CHM: variants seen among roughly 807,000 people sequenced by gnomAD.
CHM encodes the protein rab proteins geranylgeranyltransferase component A 1.
A neutral mutation model predicts 49.0 loss-of-function variants in CHM; 10 were observed. The ratio of observed to expected loss-of-function variants is 0.20; its 90% confidence interval spans 0.13 to 0.35. The LOEUF (loss-of-function observed/expected upper bound fraction) is 0.35. Among genes scored for constraint, CHM ranks in the 10% least tolerant of loss-of-function variants. The probability of loss-of-function intolerance (pLI) is 1.00; values close to 1 mark genes in which losing one functional copy is unlikely to be tolerated. For synonymous variants in CHM, 184 were observed against 167.5 expected (o/e 1.10, Z -0.76); for missense variants, 455 against 478.4 (o/e 0.95, Z 0.46).
At chrX:86,021,142 A>G (rs867472253) in intron 2 of CHM, among the ~76,000 whole-genome samples, 42 of 52,514 alleles carry the variant, frequency 8.0e-4, no homozygotes, top group African/African-American at 3.6e-3. Flanking sequence ...ATATATATAT[A>G]TATATATATA....
chrX:85,917,670 T>C (rs1388807548), intron 8 of CHM, among the ~76,000 whole-genome samples: 1 of 109,533 alleles, frequency 9.1e-6, no homozygotes, highest in Non-Finnish European at 1.9e-5. Flanking sequence ...AGCAGTAAAA[T>C]GATCCAAGAG....
At chrX:86,004,590 A>T (rs1279682445) in intron 2 of CHM, among the ~76,000 whole-genome samples, 1 of 110,534 alleles carries the variant, frequency 9.0e-6, no homozygotes, top group Admixed American at 9.6e-5. Flanking sequence ...TGGAAAGCAT[A>T]AAAAAAAGCA....
At chrX:85,925,747 C>T (rs1260970910) in intron 8 of CHM, among the ~76,000 whole-genome samples, 1 of 111,738 alleles carries the variant, frequency 8.9e-6, no homozygotes, top group Middle Eastern at 4.2e-3. Context: ...GGTAAAGAGA[C>T]ATCCATTTTG....
chrX:85,946,576 G>T (rs931825111), intron 8 of CHM, among the ~76,000 whole-genome samples: 23 of 112,146 alleles, frequency 2.1e-4, no homozygotes, highest in African/African-American at 6.8e-4. Flanking sequence ...GTATAAGAGT[G>T]GAAGGGGCTT....
chrX:85,881,515 G>A (rs1374978490), intron 12 of CHM, among the ~76,000 whole-genome samples: 1 of 111,950 alleles, frequency 8.9e-6, no homozygotes, highest in East Asian at 2.8e-4. Flanking sequence ...ACAGGGATGG[G>A]GGGCTATGCA....
chrX:85,909,338 T>C (rs778443433), intron 9 of CHM, among the ~76,000 whole-genome samples: 1 of 111,439 alleles, frequency 9.0e-6, no homozygotes. Context: ...CACAGTACCC[T>C]TTACTAAACC....
intron 8 of CHM, among the ~76,000 whole-genome samples, chrX:85,940,223 T>A (rs1223086309): frequency 9.0e-6 from 1 of 111,416 alleles, no homozygotes; most frequent in Non-Finnish European, 1.9e-5. Context: ...AAGGGGGAAA[T>A]CTGCCCTCAT....
Position 85,864,784 on chromosome X carries a change from T to G in CHM, c.1808A>C (p.Asp603Ala), listed in dbSNP as rs1306172841. The change falls in exon 15 of 15, where the codon GAT becomes GCT. Residue 603 changes from aspartate to alanine, a missense_variant. Physicochemically the swap from Asp to Ala is moderately radical, Grantham distance 126 (BLOSUM62 -2). Transcript: ENST00000357749. ...AGGATTTGGTGGAGGGGGACAGAAA[T>G]CTTCATTGGGGCAGATTTCCTGGAA... ...TLFQEICPNE[D>A]FCPPPPNPED... is the part of the protein sequence containing the mutation. 8.3e-7 allele frequency: 1 copy of G among 1,207,559 alleles called. No homozygotes were observed. Among genetic ancestry groups the G allele is most frequent in the Non-Finnish European group, 1.1e-6 (1 of 894,018 alleles).
chrX:85,866,841 T>C (rs896951947), intron 14 of CHM, among the ~76,000 whole-genome samples: 5 of 113,199 alleles, frequency 4.4e-5, no homozygotes, highest in African/African-American at 1.6e-4. Context: ...CCCCTTTGTT[T>C]TGTCCAATTT....
intron 14 of CHM, 127 bp downstream of exon 14, chrX:85,872,925 T>C: frequency 3.4e-6 from 2 of 587,040 alleles, no homozygotes; most frequent in Non-Finnish European, 5.3e-6. Flanking sequence ...AAAAAACTTT[T>C]AGGGCAAATT....
chrX:86,024,805 A>G (rs1373247550), intron 2 of CHM, among the ~76,000 whole-genome samples: 2 of 112,359 alleles, frequency 1.8e-5, no homozygotes, highest in Non-Finnish European at 3.8e-5. Flanking sequence ...GAAAATCAAC[A>G]GAAGTATACA....
intron 8 of CHM, among the ~76,000 whole-genome samples, chrX:85,942,728 T>C (rs776987341): frequency 2.2e-4 from 23 of 106,800 alleles, no homozygotes; most frequent in African/African-American, 7.9e-4. Flanking sequence ...CCAATGGGGA[T>C]GGGGACATGA....
chrX:85,910,887 T>C (rs1044797267), intron 9 of CHM, among the ~76,000 whole-genome samples: 2 of 105,140 alleles, frequency 1.9e-5, no homozygotes, highest in Non-Finnish European at 3.9e-5. Context: ...ACCCACCCCC[T>C]GGCAGCTGAA....
chrX:85,984,740 C>A (rs1470152727), intron 2 of CHM, among the ~76,000 whole-genome samples: 2 of 111,697 alleles, frequency 1.8e-5, no homozygotes, highest in African/African-American at 6.5e-5. Flanking sequence ...TGTCGTATAT[C>A]CATAAAATGG....
chrX:86,010,764 T>C (rs1933039328), intron 2 of CHM, among the ~76,000 whole-genome samples: 1 of 111,573 alleles, frequency 9.0e-6, no homozygotes, highest in African/African-American at 3.3e-5. Flanking sequence ...ATTTTGTCTA[T>C]AAATTATAAT....
At chrX:85,940,267 C>G (rs1285244539) in intron 8 of CHM, among the ~76,000 whole-genome samples, 1 of 112,103 alleles carries the variant, frequency 8.9e-6, no homozygotes, top group Non-Finnish European at 1.9e-5. Flanking sequence ...TCCCCCAACA[C>G]TGGGAATTAC....
chrX:85,912,750 C>A (rs1431008336), intron 8 of CHM, among the ~76,000 whole-genome samples: 1 of 111,381 alleles, frequency 9.0e-6, no homozygotes, highest in African/African-American at 3.3e-5. Flanking sequence ...CAGAGGCTCA[C>A]ACCTGTAATC....
intron 2 of CHM, among the ~76,000 whole-genome samples, chrX:86,003,603 T>G (rs997830735): frequency 8.9e-6 from 1 of 111,838 alleles, no homozygotes; most frequent in Non-Finnish European, 1.9e-5. Context: ...ACACGAGAAC[T>G]TCATGACGCA....
At chrX:85,901,241 G>A in intron 9 of CHM, 53 bp from the exon 10 acceptor site, 1 of 768,223 alleles carries the variant, frequency 1.3e-6, no homozygotes, top group Non-Finnish European at 1.9e-6. Context: ...TTAAATAATT[G>A]AGAAAATGTA....
Sources: allele counts gnomAD v4.1 joint callset (sites outside exome capture counted in the v4.1 genomes callset), GRCh38; gene constraint gnomAD v4.1.1; transcripts MANE v1.5; gene names NCBI Gene and HGNC (gene_info 2026-07-23, HGNC 2026-07-21).